The following CCDC170 variants were observed in gnomAD, a reference collection of about 807,000 sequenced individuals.
The protein encoded by CCDC170 is coiled-coil domain containing 170.
A neutral mutation model predicts 72.6 loss-of-function variants in CCDC170; 69 were observed. The observed-to-expected ratio is 0.95, with a 90% confidence interval of 0.78 to 1.16. CCDC170 has a LOEUF of 1.16. Among genes scored for constraint, CCDC170 ranks in the 50% most tolerant of loss-of-function variants. The pLI is 0.00. For missense variants in CCDC170, 852 were observed against 832.5 expected, an observed-to-expected ratio of 1.02 and a Z score of -0.29; for synonymous variants, 300 against 303.9, an observed-to-expected ratio of 0.99 and a Z score of 0.13.
In CCDC170 at chr6:151,586,016, A is replaced by G. The variant is rs553935739; in HGVS notation, c.1220A>G (p.Gln407Arg). 1 of 1,614,224 alleles carries G rather than the reference A, an allele frequency of 6.2e-7. No individual in the cohort carries two copies. The highest frequency in any genetic ancestry group is 8.5e-7 in the Non-Finnish European group (1 of 1,180,036). ...AENMLETLQGQLTHLEAELVS... is the reference protein window; with the variant it reads ...AENMLETLQGRLTHLEAELVS... ...AATATGTTGGAGACTCTTCAGGGTC[A>G]GCTGACACACCTGGAGGCAGAGCTG... Residue 407 changes from glutamine (Q) to arginine (R), a missense_variant, in exon 7 of 11, where the codon CAG (glutamine) becomes CGG (arginine). Physicochemically the swap from Gln to Arg is conservative, Grantham distance 43. Coordinates refer to ENST00000239374, the MANE Select transcript of CCDC170 (RefSeq NM_025059.4).
At chr6:151,598,218 A>T (rs541239920) in intron 9 of CCDC170, among the ~76,000 whole-genome samples, 1 of 152,152 alleles carries the variant, frequency 6.6e-6, no homozygotes, top group Non-Finnish European at 1.5e-5. Flanking sequence ...TCCCTTTGCA[A>T]CTTGAGACTG....
chr6:151,590,966 A>T (rs778928961), intron 7 of CCDC170, among the ~76,000 whole-genome samples: 28 of 152,260 alleles, frequency 1.8e-4, no homozygotes, highest in Non-Finnish European at 4.0e-4. Flanking sequence ...AAACAGTGAT[A>T]ACCTGAGGAT....
chr6:151,511,468 A>T (rs1014435160), intron 1 of CCDC170, among the ~76,000 whole-genome samples: 19 of 152,244 alleles, frequency 1.2e-4, no homozygotes, highest in African/African-American at 4.6e-4. Flanking sequence ...TTCAACAAAC[A>T]TTAAATGTAT....
At chr6:151,561,574 A>T (rs1483610361) in intron 5 of CCDC170, among the ~76,000 whole-genome samples, 1 of 152,102 alleles carries the variant, frequency 6.6e-6, no homozygotes, top group Non-Finnish European at 1.5e-5. Flanking sequence ...TCTACTGAGA[A>T]GTCTACTATT....
At chr6:151,537,999 T>G in intron 2 of CCDC170, 46 bp from the exon 3 acceptor site, 1 of 1,539,400 alleles carries the variant, frequency 6.5e-7, no homozygotes, top group Non-Finnish European at 8.7e-7. Flanking sequence ...AATTCAAACT[T>G]ATGTTGTTAA....
chr6:151,531,458 G>T (rs1341861379), intron 1 of CCDC170, among the ~76,000 whole-genome samples: 4 of 152,094 alleles, frequency 2.6e-5, no homozygotes, highest in Admixed American at 1.3e-4. Flanking sequence ...CAAAAAATTA[G>T]CCAGGTGTGG....
At chr6:151,496,043 T>A (rs1266512468) in intron 1 of CCDC170, among the ~76,000 whole-genome samples, 3 of 152,342 alleles carry the variant, frequency 2.0e-5, no homozygotes, top group South Asian at 4.1e-4. Flanking sequence ...CTGGAACAGT[T>A]CTTCACATTT....
intron 3 of CCDC170, among the ~76,000 whole-genome samples, chr6:151,540,781 C>A (rs1475988520): frequency 6.6e-6 from 1 of 152,062 alleles, no homozygotes; most frequent in Non-Finnish European, 1.5e-5. Flanking sequence ...AAATATTATA[C>A]CATCATATTG....
chr6:151,568,789 C>A (rs1776175769), intron 5 of CCDC170, among the ~76,000 whole-genome samples: 1 of 152,162 alleles, frequency 6.6e-6, no homozygotes, highest in South Asian at 2.1e-4. Flanking sequence ...AAGACTACAT[C>A]ATATTCTATA....
At chr6:151,557,951 T>A (rs1783010366) in intron 5 of CCDC170, among the ~76,000 whole-genome samples, 1 of 152,044 alleles carries the variant, frequency 6.6e-6, no homozygotes, top group Non-Finnish European at 1.5e-5. Flanking sequence ...ACACAAAAAA[T>A]CAGCTGGACG....
At chr6:151,610,992 G>T (rs1776860668) in intron 9 of CCDC170, among the ~76,000 whole-genome samples, 1 of 152,136 alleles carries the variant, frequency 6.6e-6, no homozygotes, top group South Asian at 2.1e-4. Context: ...TCTGCCATCG[G>T]CCTCCTCTCT....
chr6:151,525,211 C>T (rs1007460005), intron 1 of CCDC170, among the ~76,000 whole-genome samples: 5 of 152,138 alleles, frequency 3.3e-5, no homozygotes, highest in South Asian at 4.1e-4. Context: ...GGATTACAGG[C>T]GTGAGCCACC....
chr6:151,494,812 C>T (rs1205585488), intron 1 of CCDC170, among the ~76,000 whole-genome samples: 4 of 152,280 alleles, frequency 2.6e-5, no homozygotes, highest in African/African-American at 7.2e-5. Context: ...CAAACACGGG[C>T]GCGCACACAC....
rs538098154 is a variant in CCDC170 at position 151,584,048 on chromosome 6, C to T, written c.1093-1841C>T. On this transcript the variant is annotated intron_variant, in intron 6 of 10. Coordinates refer to ENST00000239374, the MANE Select transcript of CCDC170 (RefSeq NM_025059.4). ...ATGTTTGAAATATTGCTAGTATTGCCGAAATGTGACACAGGGACACAAAGT... is the reference window on the plus strand; with the variant it reads ...ATGTTTGAAATATTGCTAGTATTGCTGAAATGTGACACAGGGACACAAAGT... 3.4e-4 allele frequency among the ~76,000 whole-genome samples: 52 copies of T among 152,138 alleles called. No homozygotes were observed. In the South Asian group the frequency reaches 0.01, roughly 30 times the overall value.
intron 9 of CCDC170, among the ~76,000 whole-genome samples, chr6:151,613,478 CA>C (rs1776908088): frequency 6.6e-6 from 1 of 152,206 alleles, no homozygotes; most frequent in Non-Finnish European, 1.5e-5. Context: ...TATTTCAAAA[CA>C]TTTTCATCCC....
At chr6:151,582,414 G>A (rs966799612) in intron 6 of CCDC170, among the ~76,000 whole-genome samples, 2 of 152,186 alleles carry the variant, frequency 1.3e-5, no homozygotes, top group Non-Finnish European at 2.9e-5. Flanking sequence ...AGGCTTCATA[G>A]ATTTAAGGAG....
intron 5 of CCDC170, among the ~76,000 whole-genome samples, chr6:151,556,666 G>A (rs896495750): frequency 6.6e-5 from 10 of 151,792 alleles, no homozygotes; most frequent in African/African-American, 2.2e-4. Flanking sequence ...CGCATAGAAT[G>A]TGTAAGGATG....
intron 7 of CCDC170, among the ~76,000 whole-genome samples, chr6:151,591,461 T>C (rs1028894967): frequency 1.2e-4 from 14 of 117,488 alleles, no homozygotes; most frequent in Non-Finnish European, 2.1e-4. Flanking sequence ...AGCGCTGTTT[T>C]AGGGGGGAGG....
intron 1 of CCDC170, among the ~76,000 whole-genome samples, chr6:151,511,359 C>T (rs920541310): frequency 3.3e-5 from 5 of 152,250 alleles, no homozygotes; most frequent in East Asian, 1.9e-4. Context: ...TTATCTTTGA[C>T]GTGCTAACCC....
Sources: gnomAD v4.1 joint callset for allele counts (sites outside exome capture counted in the v4.1 genomes callset) on GRCh38, gnomAD v4.1.1 for gene constraint, MANE v1.5 for transcripts, NCBI Gene and HGNC (gene_info 2026-07-23, HGNC 2026-07-21) for gene names.